The following FRMD5 variants were observed in gnomAD, a reference collection of about 807,000 sequenced individuals.
The protein encoded by FRMD5 is FERM domain-containing protein 5.
FRMD5 carries 20 observed loss-of-function variants against 69.0 expected under a neutral mutation model. The observed-to-expected ratio is 0.29, with a 90% CI of 0.20 to 0.42. The LOEUF (loss-of-function observed/expected upper bound fraction) is 0.42. Ranked by LOEUF, FRMD5 falls within the 10% of genes least tolerant of loss-of-function variation. FRMD5 has a pLI of 1.00. For missense variants in FRMD5, 595 were observed against 708.6 expected, an observed-to-expected ratio of 0.84 and a Z score of 1.82; for synonymous variants, 271 against 260.1, an observed-to-expected ratio of 1.04 and a Z score of -0.40.
chr15:44,121,668 C>A (rs942986390), intron 1 of FRMD5, among the ~76,000 whole-genome samples: 10 of 150,792 alleles, frequency 6.6e-5, no homozygotes, highest in African/African-American at 2.4e-4. Context: ...AAAACAAAAA[C>A]AAAAACAAAA....
intron 1 of FRMD5, among the ~76,000 whole-genome samples, chr15:43,960,626 C>T (rs2090183789): frequency 6.7e-6 from 1 of 150,032 alleles, no homozygotes; most frequent in African/African-American, 2.5e-5. Context: ...TCAGGTGATC[C>T]GCCTGCCTCA....
chr15:44,063,514 G>C (rs1893181163), intron 1 of FRMD5: 3 of 436,408 alleles, frequency 6.9e-6, no homozygotes, highest in Non-Finnish European at 1.3e-5. Context: ...GGACACCATG[G>C]TGAAGGTGAA....
chr15:44,098,393 T>C (rs764216215), intron 1 of FRMD5, among the ~76,000 whole-genome samples: 1 of 151,730 alleles, frequency 6.6e-6, no homozygotes, highest in African/African-American at 2.4e-5. Flanking sequence ...GGTGTGGTGG[T>C]GCATGCCTGT....
chr15:44,112,789 G>T (rs2076817510), intron 1 of FRMD5, among the ~76,000 whole-genome samples: 1 of 151,154 alleles, frequency 6.6e-6, no homozygotes, highest in South Asian at 2.1e-4. Flanking sequence ...TAGAGATGGG[G>T]TTTCACCATA....
chr15:43,922,674 T>TC (rs995254313), intron 2 of FRMD5, among the ~76,000 whole-genome samples: 3 of 151,820 alleles, frequency 2.0e-5, no homozygotes, highest in Admixed American at 2.0e-4. Flanking sequence ...CCTCCTTTTT[T>TC]TTTTTTTTTT....
intron 5 of FRMD5, among the ~76,000 whole-genome samples, chr15:43,908,306 G>C (rs900402910): frequency 3.9e-4 from 57 of 147,516 alleles, no homozygotes; most frequent in Admixed American, 2.3e-3. Flanking sequence ...CTGGCCTAGG[G>C]GACAGAGCCA....
intron 1 of FRMD5, among the ~76,000 whole-genome samples, chr15:44,114,758 T>A (rs1023514117): frequency 1.3e-5 from 2 of 152,242 alleles, no homozygotes; most frequent in African/African-American, 2.4e-5. Context: ...CATAATACTT[T>A]AAAATAATGA....
At chr15:44,155,388 C>T (rs978063706) in intron 1 of FRMD5, among the ~76,000 whole-genome samples, 4 of 151,820 alleles carry the variant, frequency 2.6e-5, no homozygotes, top group Admixed American at 2.0e-4. Flanking sequence ...GCCGAGATCA[C>T]ACCACTGCAT....
intron 1 of FRMD5, among the ~76,000 whole-genome samples, chr15:43,972,602 G>C (rs955478845): frequency 6.6e-6 from 1 of 152,166 alleles, no homozygotes; most frequent in Non-Finnish European, 1.5e-5. Flanking sequence ...AGCACTGGCT[G>C]GATTTCAGCC....
At chr15:44,018,655 C>A (rs1185518253) in intron 1 of FRMD5, among the ~76,000 whole-genome samples, 1 of 152,150 alleles carries the variant, frequency 6.6e-6, no homozygotes, top group African/African-American at 2.4e-5. Flanking sequence ...ACAAAGTGTA[C>A]AGGGCAGGAG....
intron 1 of FRMD5, among the ~76,000 whole-genome samples, chr15:43,958,464 G>A (rs764614752): frequency 2.6e-5 from 4 of 152,062 alleles, no homozygotes; most frequent in Admixed American, 2.6e-4. Flanking sequence ...TCACTCTGTC[G>A]CCCAGGAGCG....
At chr15:44,157,124 C>T (rs2077541327) in intron 1 of FRMD5, among the ~76,000 whole-genome samples, 1 of 152,164 alleles carries the variant, frequency 6.6e-6, no homozygotes, top group African/African-American at 2.4e-5. Flanking sequence ...ATATTAAATA[C>T]ATACAATAAT....
intron 4 of FRMD5, among the ~76,000 whole-genome samples, chr15:43,911,582 G>A (rs1001783301): frequency 2.0e-5 from 3 of 152,190 alleles, no homozygotes; most frequent in African/African-American, 4.8e-5. Flanking sequence ...GATTGACCCT[G>A]AGCCAGAACC....
At chr15:43,892,420 A>T (rs1366031423) in intron 7 of FRMD5, among the ~76,000 whole-genome samples, 1 of 152,234 alleles carries the variant, frequency 6.6e-6, no homozygotes, top group Non-Finnish European at 1.5e-5. Context: ...AGAGTTTGAA[A>T]GTCATTTAAA....
Position 43,871,195 on chromosome 15 carries a change from A to G in FRMD5, c.*2690T>C, listed in dbSNP as rs1324343496. ...AAAGGAGGTTTATTATTCAAGCACT[A>G]TTTGAAAAGCAAACTGAAGGAAACT... On this transcript the variant is annotated 3_prime_UTR_variant, in exon 14 of 14. Coordinates refer to ENST00000417257, the MANE Select transcript of FRMD5 (RefSeq NM_032892.5). The G allele has an allele frequency of 6.6e-6, 1 of 152,222 alleles. No homozygotes were observed. The highest frequency in any genetic ancestry group is 1.5e-5 in the Non-Finnish European group (1 of 68,028). The allele number at this position is 152,222 out of a possible 1,614,324, so 9.4% of individuals were successfully genotyped here. A position where few individuals can be genotyped will look rare whatever the true frequency, so the allele number is the denominator to read the frequency against.
chr15:44,185,359 T>C (rs146588739), intron 1 of FRMD5, among the ~76,000 whole-genome samples: 5 of 152,340 alleles, frequency 3.3e-5, no homozygotes, highest in African/African-American at 1.2e-4. Context: ...GAGGGGCTAT[T>C]CTGTTAGACA....
chr15:44,184,752 G>A (rs2078070162), intron 1 of FRMD5, among the ~76,000 whole-genome samples: 1 of 152,134 alleles, frequency 6.6e-6, no homozygotes, highest in Non-Finnish European at 1.5e-5. Context: ...ATAAAATTGT[G>A]GAATTCAGAA....
At chr15:43,884,879 C>T (rs1219718510) in intron 11 of FRMD5, 84 bp from the exon 12 acceptor site, 9 of 1,218,854 alleles carry the variant, frequency 7.4e-6, no homozygotes, top group African/African-American at 1.5e-5. Context: ...AGGTGCTTTC[C>T]CTGAATCAGG....
intron 1 of FRMD5, among the ~76,000 whole-genome samples, chr15:44,185,782 G>A (rs999442569): frequency 6.7e-6 from 1 of 148,212 alleles, no homozygotes; most frequent in East Asian, 1.9e-4. Context: ...GACAGAGTGA[G>A]ACTCTTATCT....
Sources: gnomAD v4.1 joint callset for allele counts (sites outside exome capture counted in the v4.1 genomes callset) on GRCh38, gnomAD v4.1.1 for gene constraint, MANE v1.5 for transcripts, NCBI Gene and HGNC (gene_info 2026-07-23, HGNC 2026-07-21) for gene names.